Variants in CCSER1 observed in about 807,000 individuals in gnomAD.
The protein encoded by CCSER1 is serine-rich coiled-coil domain-containing protein 1.
A neutral mutation model predicts 82.0 loss-of-function variants in CCSER1; 41 were observed. The observed-to-expected ratio is 0.50, with a 90% CI of 0.39 to 0.65. The LOEUF (loss-of-function observed/expected upper bound fraction) is 0.65, where lower values mean the gene tolerates loss of function less well. Ranked by LOEUF, CCSER1 falls within the 30% of genes least tolerant of loss-of-function variation. CCSER1 has a pLI of 0.00. For synonymous variants in CCSER1, 414 were observed against 383.9 expected (o/e 1.08, Z -0.92); for missense variants, 1,119 against 1,064.2 (o/e 1.05, Z -0.72).
At chr4:90,574,657 C>G (rs1023610056) in intron 5 of CCSER1, among the ~76,000 whole-genome samples, 3 of 151,460 alleles carry the variant, frequency 2.0e-5, no homozygotes, top group Non-Finnish European at 4.4e-5. Flanking sequence ...CTACTGTGTA[C>G]CAGAACTCAG....
intron 5 of CCSER1, among the ~76,000 whole-genome samples, chr4:90,497,637 A>G (rs1769235359): frequency 6.6e-6 from 1 of 152,228 alleles, no homozygotes; most frequent in Admixed American, 6.5e-5. Flanking sequence ...ACGTGATAAT[A>G]ACCTAGAAAT....
intron 10 of CCSER1, among the ~76,000 whole-genome samples, chr4:91,163,418 G>A (rs12512330): frequency 0.71 from 107,477 of 151,260 alleles, 38,660 homozygotes; most frequent in Non-Finnish European, 0.78. Context: ...TTGATTTGGG[G>A]TGGAGAGTTC....
At chr4:91,108,539 T>G (rs1387377190) in intron 10 of CCSER1, among the ~76,000 whole-genome samples, 1 of 152,234 alleles carries the variant, frequency 6.6e-6, no homozygotes, top group Non-Finnish European at 1.5e-5. Flanking sequence ...TCTCCTATGC[T>G]TTATATAAAA....
At chr4:90,770,301 T>C (rs1374103403) in intron 7 of CCSER1, among the ~76,000 whole-genome samples, 1 of 152,202 alleles carries the variant, frequency 6.6e-6, no homozygotes, top group Non-Finnish European at 1.5e-5. Context: ...ACTTGTTCCA[T>C]TTAATGTTCT....
At chr4:90,831,131 T>A (rs1761063656) in intron 8 of CCSER1, among the ~76,000 whole-genome samples, 2 of 152,060 alleles carry the variant, frequency 1.3e-5, no homozygotes, top group Admixed American at 6.6e-5. Context: ...TACTAAGATA[T>A]GCGTCAGTGT....
intron 7 of CCSER1, among the ~76,000 whole-genome samples, chr4:90,736,167 T>G (rs1166137327): frequency 6.6e-6 from 1 of 152,106 alleles, no homozygotes; most frequent in Non-Finnish European, 1.5e-5. Flanking sequence ...AGGAGAATAA[T>G]GTGTATTCTG....
intron 9 of CCSER1, among the ~76,000 whole-genome samples, chr4:91,051,715 C>T (rs1410695536): frequency 9.2e-5 from 14 of 152,088 alleles, no homozygotes; most frequent in Admixed American, 9.2e-4. Flanking sequence ...GAGGAATGGA[C>T]ATTTTTCAAA....
intron 10 of CCSER1, among the ~76,000 whole-genome samples, chr4:91,331,608 C>A (rs910410430): frequency 1.9e-4 from 29 of 152,094 alleles, no homozygotes; most frequent in African/African-American, 6.8e-4. Context: ...CTTCCTTAAC[C>A]TCCCTGACTC....
intron 10 of CCSER1, among the ~76,000 whole-genome samples, chr4:91,506,882 T>C (rs1759522146): frequency 6.6e-6 from 1 of 152,196 alleles, no homozygotes; most frequent in Non-Finnish European, 1.5e-5. Flanking sequence ...TTCATGTATA[T>C]GAAAACATAG....
intron 8 of CCSER1, among the ~76,000 whole-genome samples, chr4:90,917,807 G>T (rs1166450231): frequency 2.6e-5 from 4 of 151,942 alleles, no homozygotes; most frequent in Admixed American, 6.6e-5. Flanking sequence ...CTAATTTCTA[G>T]TTTAAACTTG....
At chr4:91,434,231 T>G (rs1326721427) in intron 10 of CCSER1, among the ~76,000 whole-genome samples, 1 of 152,062 alleles carries the variant, frequency 6.6e-6, no homozygotes, top group Non-Finnish European at 1.5e-5. Context: ...ATCGCTGGTA[T>G]TTTTGGTAGT....
chr4:90,860,819 A>T (rs1271468406), intron 8 of CCSER1, among the ~76,000 whole-genome samples: 1 of 151,720 alleles, frequency 6.6e-6, no homozygotes, highest in Admixed American at 6.6e-5. Context: ...GCAAGTCTAT[A>T]CAGACAGAAA....
chr4:90,245,623 A>G (rs927795565), intron 1 of CCSER1, among the ~76,000 whole-genome samples: 25 of 152,154 alleles, frequency 1.6e-4, no homozygotes, highest in Non-Finnish European at 3.5e-4. Flanking sequence ...CCTTTATGTT[A>G]TATTTCCAAA....
At chr4:90,328,021 C>CA (rs1738542687) in intron 3 of CCSER1, among the ~76,000 whole-genome samples, 2 of 152,192 alleles carry the variant, frequency 1.3e-5, no homozygotes, top group African/African-American at 4.8e-5. Flanking sequence ...TTCACACCCA[C>CA]ACTTTAAACA....
intron 5 of CCSER1, among the ~76,000 whole-genome samples, chr4:90,471,706 T>C (rs560343097): frequency 6.6e-6 from 1 of 150,726 alleles, no homozygotes; most frequent in Non-Finnish European, 1.5e-5. Flanking sequence ...CTGGACGTGG[T>C]GACTCACACC....
At chr4:91,438,024 G>A (rs1754794175) in intron 10 of CCSER1, among the ~76,000 whole-genome samples, 1 of 152,108 alleles carries the variant, frequency 6.6e-6, no homozygotes, top group East Asian at 2.0e-4. Flanking sequence ...AGGCCTGCCT[G>A]CCTCTGTAGG....
At chr4:91,156,497 C>A (rs1159711132) in intron 10 of CCSER1, among the ~76,000 whole-genome samples, 1 of 151,140 alleles carries the variant, frequency 6.6e-6, no homozygotes, top group Non-Finnish European at 1.5e-5. Context: ...TTTCAAATAA[C>A]TTTTAGGGTC....
At chr4:90,270,255 G>A (rs1048182866) in intron 1 of CCSER1, among the ~76,000 whole-genome samples, 1 of 151,840 alleles carries the variant, frequency 6.6e-6, no homozygotes, top group South Asian at 2.1e-4. Context: ...ACGTTGATTC[G>A]GAAATACTCA....
chr4:90,705,231 A>T (rs1477923497), intron 6 of CCSER1, among the ~76,000 whole-genome samples: 3 of 152,220 alleles, frequency 2.0e-5, no homozygotes, highest in Non-Finnish European at 4.4e-5. Context: ...AGTTTGCTGG[A>T]AGTCCACTCC....
Sources: gnomAD v4.1 joint callset for allele counts (sites outside exome capture counted in the v4.1 genomes callset) on GRCh38, gnomAD v4.1.1 for gene constraint, MANE v1.5 for transcripts, NCBI Gene and HGNC (gene_info 2026-07-23, HGNC 2026-07-21) for gene names.